The following ST6GAL1 variants were observed in gnomAD, a reference collection of about 807,000 sequenced individuals.
ST6GAL1 encodes the protein beta-galactoside alpha-2,6-sialyltransferase 1.
A neutral mutation model predicts 38.0 loss-of-function variants in ST6GAL1; 20 were observed. That is an observed-to-expected ratio of 0.53 (90% CI 0.37 to 0.77). The LOEUF is 0.77. ST6GAL1 is among the 30% of genes least tolerant of loss of function. The probability of loss-of-function intolerance (pLI) is 0.00; values close to 1 mark genes in which losing one functional copy is unlikely to be tolerated. For synonymous variants in ST6GAL1, 196 were observed against 188.2 expected, an observed-to-expected ratio of 1.04 and a Z score of -0.34; for missense variants, 432 against 496.4, an observed-to-expected ratio of 0.87 and a Z score of 1.23.
Position 187,066,277 on chromosome 3 carries a change from G to C in ST6GAL1, c.706-6572G>C, listed in dbSNP as rs558451524. 4.6e-5 allele frequency among the ~76,000 whole-genome samples: 7 copies of C among 152,226 alleles called. No individual in the cohort carries two copies. The East Asian group carries it at 1.4e-3, about 29-fold the overall frequency. ...ACACAGTCTCAGTCACTAGTTCTCC[G>C]AATCAGAGAAAGGATGCCTTCAGGC... On this transcript the variant is annotated intron_variant, in intron 5 of 7. Coordinates refer to ENST00000169298, the MANE Select transcript of ST6GAL1 (RefSeq NM_173216.2).
chr3:186,957,022 A>G (rs1018927789), intron 1 of ST6GAL1, among the ~76,000 whole-genome samples: 1 of 152,272 alleles, frequency 6.6e-6, no homozygotes, highest in African/African-American at 2.4e-5. Context: ...AATGTGCAAC[A>G]AAGAGGAGTT....
intron 5 of ST6GAL1, among the ~76,000 whole-genome samples, chr3:187,061,201 CA>C (rs1341357134): frequency 6.6e-6 from 1 of 151,900 alleles, no homozygotes; most frequent in East Asian, 1.9e-4. Flanking sequence ...ATGAAAACTA[CA>C]AAATAGTTCT....
At chr3:187,010,018 T>C (rs1032874009) in intron 2 of ST6GAL1, among the ~76,000 whole-genome samples, 1 of 151,848 alleles carries the variant, frequency 6.6e-6, no homozygotes, top group South Asian at 2.1e-4. Flanking sequence ...AAAGAAAAAA[T>C]TATAACCCTT....
At chr3:187,047,218 T>TA (rs1718330024) in intron 4 of ST6GAL1, among the ~76,000 whole-genome samples, 1 of 151,822 alleles carries the variant, frequency 6.6e-6, no homozygotes, top group Non-Finnish European at 1.5e-5. Context: ...GTGCTGGGAT[T>TA]ACAGGTGTGA....
intron 5 of ST6GAL1, chr3:187,072,582 C>G: frequency 2.5e-6 from 1 of 403,650 alleles, no homozygotes. Flanking sequence ...TTCACTGTAC[C>G]CTTGCCCCCG....
chr3:187,022,039 C>T (rs2108565448), intron 2 of ST6GAL1: 1 of 152,328 alleles, frequency 6.6e-6, no homozygotes. Context: ...CTGTGAGCCG[C>T]TCCAGCAAAT....
At chr3:187,003,571 G>A (rs1716690438) in intron 2 of ST6GAL1, among the ~76,000 whole-genome samples, 1 of 152,064 alleles carries the variant, frequency 6.6e-6, no homozygotes, top group South Asian at 2.1e-4. Context: ...CTAGTGTTTT[G>A]TAGTTTTCAG....
rs778777723 is a variant in ST6GAL1 at position 187,042,905 on chromosome 3, A to G, written c.202A>G (p.Thr68Ala). 3 of 1,614,176 alleles carry G rather than the reference A, an allele frequency of 1.9e-6. No homozygotes were observed. The South Asian group carries it at 3.3e-5, about 18-fold the overall frequency. Reference protein sequence around the residue: ...SDSQSVSSSSTQDPHRGRQTL... With the variant: ...SDSQSVSSSSAQDPHRGRQTL... Reference sequence around the variant, plus strand: ...TTCCCAGTCTGTATCCTCAAGCAGCACCCAGGACCCCCACAGGGGCCGCCA... The same window carrying G: ...TTCCCAGTCTGTATCCTCAAGCAGCGCCCAGGACCCCCACAGGGGCCGCCA... The change falls in exon 4 of 8, where the codon ACC becomes GCC. Residue 68 changes from threonine (T) to alanine (A), a missense_variant. Coordinates refer to ENST00000169298, the MANE Select transcript of ST6GAL1 (RefSeq NM_173216.2).
chr3:186,941,911 C>T (rs62292582), intron 1 of ST6GAL1, among the ~76,000 whole-genome samples: 2 of 151,656 alleles, frequency 1.3e-5, no homozygotes, highest in African/African-American at 2.4e-5. Context: ...ACTCGGGAGG[C>T]GGAGGCAGGA....
intron 2 of ST6GAL1, among the ~76,000 whole-genome samples, chr3:187,022,360 G>A (rs796646677): frequency 3.0e-4 from 45 of 152,286 alleles, no homozygotes; most frequent in Middle Eastern, 3.4e-3. Context: ...AGGGACTTGG[G>A]GGGTAGAGGG....
intron 2 of ST6GAL1, among the ~76,000 whole-genome samples, chr3:186,987,194 G>GGGAA (rs757677864): frequency 0.064 from 8,485 of 133,108 alleles, 303 homozygotes; most frequent in African/African-American, 0.098. Context: ...GAGGGAGGGA[G>GGGAA]GGAGGGAAGG....
chr3:187,020,788 G>A (rs546275091), intron 2 of ST6GAL1, among the ~76,000 whole-genome samples: 1 of 152,324 alleles, frequency 6.6e-6, no homozygotes, highest in African/African-American at 2.4e-5. Flanking sequence ...CCTTGAGTGA[G>A]TGGCCCTGAG....
At chr3:186,932,099 G>A (rs1051573875) in intron 1 of ST6GAL1, among the ~76,000 whole-genome samples, 7 of 152,058 alleles carry the variant, frequency 4.6e-5, no homozygotes, top group Non-Finnish European at 5.9e-5. Context: ...CGGGCGGGCT[G>A]CTGCCTCACC....
In ST6GAL1 at chr3:186,948,406, C is replaced by T. The variant is rs558822020; in HGVS notation, c.-324-15379C>T. On this transcript the variant is annotated intron_variant, in intron 1 of 7. Coordinates refer to ENST00000169298, the MANE Select transcript of ST6GAL1 (RefSeq NM_173216.2). ...GACAACACTTATCAAACTGGGCGGG[C>T]AGCCAGACCTCTGCTCTGAGCTAGT... Among the ~76,000 whole-genome samples, 10 of 152,300 alleles carry T rather than the reference C, an allele frequency of 6.6e-5. No homozygotes were observed. The South Asian group carries it at 2.1e-3, about 32-fold the overall frequency.
intron 2 of ST6GAL1, among the ~76,000 whole-genome samples, chr3:186,978,075 G>T (rs1715576452): frequency 6.6e-6 from 1 of 152,122 alleles, no homozygotes; most frequent in Non-Finnish European, 1.5e-5. Context: ...GCCAGGCGTG[G>T]TGGCGCACAC....
chr3:186,970,215 C>CTTTTTTTTT (rs34302492), intron 2 of ST6GAL1, among the ~76,000 whole-genome samples: 1 of 132,814 alleles, frequency 7.5e-6, no homozygotes, highest in Non-Finnish European at 1.6e-5. Context: ...TTTTCTTTTT[C>CTTTTTTTTT]TTTTTTTTTT....
At chr3:186,943,794 C>T (rs962404794) in intron 1 of ST6GAL1, among the ~76,000 whole-genome samples, 5 of 152,202 alleles carry the variant, frequency 3.3e-5, no homozygotes, top group Admixed American at 2.0e-4. Flanking sequence ...GAAGGAGATT[C>T]AGTGACTTGC....
chr3:187,035,883 A>C (rs1037701745), intron 2 of ST6GAL1, among the ~76,000 whole-genome samples: 2 of 152,186 alleles, frequency 1.3e-5, no homozygotes, highest in African/African-American at 4.8e-5. Context: ...AGCAACTGCA[A>C]CAGAAACAAA....
chr3:186,994,813 C>T (rs944746006), intron 2 of ST6GAL1, among the ~76,000 whole-genome samples: 7 of 151,338 alleles, frequency 4.6e-5, no homozygotes, highest in Admixed American at 2.6e-4. Flanking sequence ...GCATGGTGGG[C>T]GCCTGTAATC....
Sources: gnomAD v4.1 joint callset for allele counts (sites outside exome capture counted in the v4.1 genomes callset) on GRCh38, gnomAD v4.1.1 for gene constraint, MANE v1.5 for transcripts, NCBI Gene and HGNC (gene_info 2026-07-23, HGNC 2026-07-21) for gene names.